Variants in CDH13 observed in about 807,000 individuals in gnomAD.
CDH13 encodes cadherin 13.
Under a neutral mutation model 63.8 loss-of-function variants are expected in CDH13, and 24 were observed. The observed-to-expected ratio is 0.38, with a 90% CI of 0.27 to 0.53. The LOEUF is 0.53. Ranked by LOEUF, CDH13 falls within the 20% of genes least tolerant of loss-of-function variation. CDH13 has a pLI of 0.85. For synonymous variants in CDH13, 503 were observed against 355.3 expected (o/e 1.42, Z -4.67); for missense variants, 1,049 against 903.1 (o/e 1.16, Z -2.07).
chr16:83,294,063 C>A (rs1053378165), intron 5 of CDH13, among the ~76,000 whole-genome samples: 4 of 152,154 alleles, frequency 2.6e-5, no homozygotes. Context: ...GATTATCTGA[C>A]TTCTGTTTAT....
intron 2 of CDH13, among the ~76,000 whole-genome samples, chr16:82,913,543 T>C (rs2041898742): frequency 6.6e-6 from 1 of 152,062 alleles, no homozygotes; most frequent in African/African-American, 2.4e-5. Context: ...CTTGTTACTG[T>C]GGGTCGATGG....
At chr16:83,323,174 T>TTCTTTCTTTCTTTC (rs1555530163) in intron 5 of CDH13, among the ~76,000 whole-genome samples, 4 of 82,254 alleles carry the variant, frequency 4.9e-5, no homozygotes, top group Admixed American at 1.3e-4. Context: ...TCTCTTTCTT[T>TTCTTTCTTTCTTTC]TTTCTTTCTT....
intron 3 of CDH13, among the ~76,000 whole-genome samples, chr16:83,107,634 G>A (rs569626467): frequency 7.9e-5 from 12 of 152,158 alleles, no homozygotes; most frequent in Non-Finnish European, 7.4e-5. Context: ...CACAGTATGA[G>A]AGGCTGAGGA....
At chr16:83,656,890 G>T (rs527504915) in intron 8 of CDH13, among the ~76,000 whole-genome samples, 1 of 152,174 alleles carries the variant, frequency 6.6e-6, no homozygotes, top group Non-Finnish European at 1.5e-5. Flanking sequence ...TTTAGGGATC[G>T]ACACTGCTGG....
In CDH13 at chr16:83,500,221, T is replaced by A. The variant is rs8059407; in HGVS notation, c.960+13566T>A. Among the ~76,000 whole-genome samples the A allele has an allele frequency of 2.1e-5, 2 of 94,924 alleles. 1 individual carries two copies. Among genetic ancestry groups the A allele is most frequent in the Non-Finnish European group, 4.9e-5 (2 of 40,582 alleles). The allele number at this position is 94,924 out of a possible 152,430, so 62.3% of individuals were successfully genotyped here. A position where few individuals can be genotyped will look rare whatever the true frequency, so the allele number is the denominator to read the frequency against. ...TATCACATTTGAATTCAGACACTAG[T>A]TTCTTTCTTCTCCTTCTTCTTCTTC... On this transcript the variant is annotated intron_variant, in intron 7 of 13. Transcript: ENST00000567109.
chr16:83,731,064 T>C (rs536071045), intron 10 of CDH13, among the ~76,000 whole-genome samples: 3 of 152,364 alleles, frequency 2.0e-5, no homozygotes, highest in South Asian at 2.1e-4. Flanking sequence ...CATTCCACCA[T>C]TGATGAGCAC....
At chr16:83,613,410 C>T (rs1042323927) in intron 8 of CDH13, among the ~76,000 whole-genome samples, 14 of 152,150 alleles carry the variant, frequency 9.2e-5, no homozygotes. Flanking sequence ...TGTATGCACA[C>T]ATACATATAC....
At chr16:82,761,453 T>C (rs895372284) in intron 1 of CDH13, among the ~76,000 whole-genome samples, 4 of 152,224 alleles carry the variant, frequency 2.6e-5, no homozygotes, top group African/African-American at 9.6e-5. Context: ...CAACTTCTGA[T>C]GTTCAGAGTC....
chr16:82,857,096 G>A (rs1425693916), intron 1 of CDH13, among the ~76,000 whole-genome samples: 1 of 152,224 alleles, frequency 6.6e-6, no homozygotes, highest in Admixed American at 6.5e-5. Context: ...CAGAAGGTCT[G>A]AGGGGAATGG....
At chr16:83,062,966 T>TTC (rs2031693353) in intron 3 of CDH13, among the ~76,000 whole-genome samples, 1 of 145,496 alleles carries the variant, frequency 6.9e-6, no homozygotes, top group Non-Finnish European at 1.5e-5. Flanking sequence ...GTTGGCATTT[T>TTC]TTTTTTTTTT....
chr16:83,785,104 T>C (rs182636560), intron 13 of CDH13, among the ~76,000 whole-genome samples: 3 of 152,330 alleles, frequency 2.0e-5, no homozygotes, highest in African/African-American at 7.2e-5. Context: ...AATTCGGCTG[T>C]ACAGCAATTG....
chr16:83,587,132 C>T (rs778238854), intron 7 of CDH13, among the ~76,000 whole-genome samples: 3 of 152,028 alleles, frequency 2.0e-5, no homozygotes, highest in Non-Finnish European at 4.4e-5. Context: ...TAAGAGACCA[C>T]GGAAAATGCT....
chr16:83,038,735 C>T (rs904791092), intron 3 of CDH13, among the ~76,000 whole-genome samples: 2 of 152,216 alleles, frequency 1.3e-5, no homozygotes, highest in African/African-American at 4.8e-5. Flanking sequence ...CTTCGTTCCT[C>T]ACGCAGAAAT....
chr16:83,128,966 C>G (rs973286141), intron 4 of CDH13, among the ~76,000 whole-genome samples: 16 of 152,212 alleles, frequency 1.1e-4, no homozygotes, highest in African/African-American at 3.9e-4. Context: ...AGAATTACTG[C>G]ACTGCTTTGC....
At chr16:82,926,364 C>T (rs1393694435) in intron 2 of CDH13, among the ~76,000 whole-genome samples, 2 of 151,588 alleles carry the variant, frequency 1.3e-5, no homozygotes, top group Non-Finnish European at 2.9e-5. Context: ...GGTATTAAAA[C>T]ATTTTCGCAC....
intron 6 of CDH13, among the ~76,000 whole-genome samples, chr16:83,385,345 G>C (rs1199287690): frequency 1.3e-5 from 2 of 152,124 alleles, no homozygotes; most frequent in Non-Finnish European, 2.9e-5. Context: ...AATAACCCCA[G>C]TGATAAATGA....
chr16:83,499,032 T>C (rs559971163), intron 7 of CDH13, among the ~76,000 whole-genome samples: 8 of 152,330 alleles, frequency 5.3e-5, no homozygotes, highest in South Asian at 2.1e-4. Context: ...CCTAGTGTTT[T>C]TTGATGCAGA....
chr16:83,366,539 C>G (rs2091260245), intron 6 of CDH13, among the ~76,000 whole-genome samples: 1 of 152,162 alleles, frequency 6.6e-6, no homozygotes, highest in South Asian at 2.1e-4. Context: ...AAGTGGAAAT[C>G]ACACTGACAG....
At chr16:83,552,895 A>G (rs1030008521) in intron 7 of CDH13, among the ~76,000 whole-genome samples, 3 of 152,176 alleles carry the variant, frequency 2.0e-5, no homozygotes, top group Non-Finnish European at 2.9e-5. Context: ...CCTGACCAAT[A>G]TGGTGAAACC....
Sources: allele counts gnomAD v4.1 joint callset (sites outside exome capture counted in the v4.1 genomes callset), GRCh38; gene constraint gnomAD v4.1.1; transcripts MANE v1.5; gene names NCBI Gene and HGNC (gene_info 2026-07-23, HGNC 2026-07-21).